DCAF8L2: variants seen among roughly 807,000 people sequenced by gnomAD.
DCAF8L2 encodes the protein DDB1 and CUL4 associated factor 8 like 2, also known as DDB1- and CUL4-associated factor 8-like protein 2.
For missense variants in DCAF8L2, 430 were observed against 490.7 expected, an observed-to-expected ratio of 0.88 and a Z score of 1.17; for synonymous variants, 200 against 190.9, an observed-to-expected ratio of 1.05 and a Z score of -0.39.
At chrX:27,652,940 A>G (rs1488067728) in intron 2 of DCAF8L2, among the ~76,000 whole-genome samples, 1 of 112,489 alleles carries the variant, frequency 8.9e-6, no homozygotes, top group Non-Finnish European at 1.9e-5. Flanking sequence ...TCCCTATAAA[A>G]TGGAAAATAA....
chrX:27,652,666 T>C (rs1569172464), intron 2 of DCAF8L2, among the ~76,000 whole-genome samples: 1 of 112,201 alleles, frequency 8.9e-6, no homozygotes, highest in East Asian at 2.8e-4. Context: ...AGGTAGCCAC[T>C]AATTCAATCA....
intron 3 of DCAF8L2, among the ~76,000 whole-genome samples, chrX:27,704,977 A>G (rs1324354189): frequency 9.1e-6 from 1 of 110,176 alleles, no homozygotes; most frequent in Non-Finnish European, 1.9e-5. Context: ...TCCATCCTCA[A>G]ATAGGCCCTA....
At chrX:27,639,400 A>C (rs2147182763) in intron 2 of DCAF8L2, among the ~76,000 whole-genome samples, 1 of 111,950 alleles carries the variant, frequency 8.9e-6, no homozygotes, top group South Asian at 3.7e-4. Flanking sequence ...AGTTAATAAT[A>C]ACTTAATTGT....
chrX:27,587,270 G>T (rs2147102795), upstream of DCAF8L2, among the ~76,000 whole-genome samples: 1 of 111,475 alleles, frequency 9.0e-6, no homozygotes, highest in Admixed American at 9.6e-5. Flanking sequence ...AACCATACAA[G>T]AAGTTCCTTT....
intron 2 of DCAF8L2, among the ~76,000 whole-genome samples, chrX:27,646,652 C>A (rs1045381449): frequency 9.0e-6 from 1 of 111,098 alleles, no homozygotes; most frequent in Admixed American, 9.6e-5. Flanking sequence ...TTTTTGCAAT[C>A]TATCCATCTG....
At chrX:27,548,010 G>A in the DCAF8L2 span, among the ~76,000 whole-genome samples, 6 of 108,592 alleles carry the variant, frequency 5.5e-5, no homozygotes, top group Non-Finnish European at 1.1e-4. Flanking sequence ...ACAGCCTGTG[G>A]AGCTGTGATT....
chrX:27,585,115 G>C, the DCAF8L2 span, among the ~76,000 whole-genome samples: 1 of 110,367 alleles, frequency 9.1e-6, no homozygotes, highest in Admixed American at 9.7e-5. Flanking sequence ...GGCAAACCCT[G>C]GTTTACTTTT....
chrX:27,570,159 A>C, the DCAF8L2 span, among the ~76,000 whole-genome samples: 1 of 110,863 alleles, frequency 9.0e-6, no homozygotes, highest in Non-Finnish European at 1.9e-5. Context: ...TTGGTAGGGG[A>C]AGGGAACATC....
At chrX:27,715,777 C>T (rs929142457) in intron 3 of DCAF8L2, among the ~76,000 whole-genome samples, 15 of 111,707 alleles carry the variant, frequency 1.3e-4, no homozygotes, top group African/African-American at 4.9e-4. Context: ...TATTCATGCT[C>T]CCAGGTCATT....
At chrX:27,508,500 A>G in the DCAF8L2 span, among the ~76,000 whole-genome samples, 3 of 109,292 alleles carry the variant, frequency 2.7e-5, no homozygotes, top group Non-Finnish European at 5.7e-5. Flanking sequence ...GGAATACAGG[A>G]CAGACAGCAA....
the DCAF8L2 span, among the ~76,000 whole-genome samples, chrX:27,546,977 T>G: frequency 1.4e-4 from 16 of 112,535 alleles, no homozygotes; most frequent in African/African-American, 4.8e-4. Context: ...AGGCTTGAAT[T>G]TCTCCCCAGA....
the DCAF8L2 span, among the ~76,000 whole-genome samples, chrX:27,575,655 A>C: frequency 8.9e-6 from 1 of 112,624 alleles, no homozygotes; most frequent in Non-Finnish European, 1.9e-5. Flanking sequence ...GTCTTTGGGA[A>C]GTTCTACCAC....
intron 3 of DCAF8L2, among the ~76,000 whole-genome samples, chrX:27,687,114 A>AC (rs1485725549): frequency 1.8e-5 from 2 of 111,230 alleles, no homozygotes; most frequent in Non-Finnish European, 3.8e-5. Flanking sequence ...GGTGATGGAC[A>AC]CCCCCAAATA....
chrX:27,747,924 C>G lies in DCAF8L2; in HGVS notation c.1029C>G (p.Val343=), dbSNP rs1922344427. The G allele has an allele frequency of 2.5e-6, 3 of 1,210,232 alleles. No individual in the cohort carries two copies. Among genetic ancestry groups the G allele is most frequent in the South Asian group, 1.8e-5 (1 of 56,784 alleles). Residue 343 remains valine, a synonymous_variant, in exon 5 of 5, where the codon GTC becomes GTG. Coordinates refer to ENST00000451261, the MANE Select transcript of DCAF8L2 (RefSeq NM_001353450.2). ...TCACTTCAGGTGAAGATGCTGTTGT[C>G]TTCACCATTGACCTCAGACAAGACC... ...KFLTSGEDAV[V]FTIDLRQDRP...
At chrX:27,648,503 C>A (rs867438079) in intron 2 of DCAF8L2, among the ~76,000 whole-genome samples, 1 of 92,406 alleles carries the variant, frequency 1.1e-5, no homozygotes, top group Non-Finnish European at 2.0e-5. Flanking sequence ...GTTAAGCAAA[C>A]ATATATATAT....
chrX:27,474,926 G>T, the DCAF8L2 span, among the ~76,000 whole-genome samples: 2 of 110,979 alleles, frequency 1.8e-5, no homozygotes, highest in African/African-American at 6.6e-5. Flanking sequence ...CAAAAAAAGG[G>T]ACTCTGAATT....
chrX:27,517,797 T>C, the DCAF8L2 span: 2 of 1,111,362 alleles, frequency 1.8e-6, no homozygotes, highest in Non-Finnish European at 2.5e-6. Context: ...ATACACAGGT[T>C]TGTATTGCCT....
chrX:27,512,548 G>A, the DCAF8L2 span, among the ~76,000 whole-genome samples: 4 of 106,052 alleles, frequency 3.8e-5, no homozygotes, highest in East Asian at 3.0e-4. Context: ...GCTGGGTGTG[G>A]TGGTGGGCAC....
At chrX:27,480,817 G>T in the DCAF8L2 span, among the ~76,000 whole-genome samples, 1 of 111,306 alleles carries the variant, frequency 9.0e-6, no homozygotes, top group Non-Finnish European at 1.9e-5. Context: ...TGATACACCA[G>T]GCCACTCAAA....
Sources: gnomAD v4.1 joint callset for allele counts (sites outside exome capture counted in the v4.1 genomes callset) on GRCh38, gnomAD v4.1.1 for gene constraint, MANE v1.5 for transcripts, NCBI Gene and HGNC (gene_info 2026-07-23, HGNC 2026-07-21) for gene names.